ZFHX3: variants seen among roughly 807,000 people sequenced by gnomAD.
The protein encoded by ZFHX3 is zinc finger homeobox protein 3.
Under a neutral mutation model 279.1 loss-of-function variants are expected in ZFHX3, and 42 were observed. The observed-to-expected ratio is 0.15, with a 90% CI of 0.12 to 0.19. ZFHX3 has a LOEUF of 0.19. ZFHX3 is among the 10% of genes least tolerant of loss of function. The pLI, the probability that ZFHX3 is intolerant of heterozygous loss-of-function variation, is 1.00. For synonymous variants in ZFHX3, 2,293 were observed against 1,957.8 expected, an observed-to-expected ratio of 1.17 and a Z score of -4.52; for missense variants, 4,981 against 4,754.0, an observed-to-expected ratio of 1.05 and a Z score of -1.40.
chr16:72,851,379 A>G (rs944828060), intron 4 of ZFHX3, among the ~76,000 whole-genome samples: 8 of 152,338 alleles, frequency 5.3e-5, no homozygotes, highest in African/African-American at 9.6e-5. Flanking sequence ...GGGGCTCTTC[A>G]TCAGCCACTC....
chr16:73,234,620 A>G (rs1200296230), intron 5 of ZFHX3, among the ~76,000 whole-genome samples: 1 of 152,240 alleles, frequency 6.6e-6, no homozygotes, highest in African/African-American at 2.4e-5. Flanking sequence ...AGGAGATCCA[A>G]AGAATGATTT....
At chr16:73,006,865 T>C in intron 1 of ZFHX3, among the ~76,000 whole-genome samples, 1 of 152,200 alleles carries the variant, frequency 6.6e-6, no homozygotes, top group Non-Finnish European at 1.5e-5. Context: ...TTTGATTACT[T>C]ATAACACCTA....
chr16:73,478,400 C>T lies in ZFHX3; in HGVS notation c.-1546-22142G>A, dbSNP rs146018764. Among the ~76,000 whole-genome samples, 4 of 152,138 alleles carry T rather than the reference C, an allele frequency of 2.6e-5. No individual in the cohort carries two copies. The East Asian group carries it at 7.7e-4, about 29-fold the overall frequency. The stretch of plus-strand genomic sequence containing the variant: ...CTGAGCTATCCAGGCTTCTTCCCTG[C>T]TAGTTTATTTTAATGCAGTAATAAA... On this transcript the variant is annotated intron_variant, in intron 2 of 17. Coordinates refer to the ZFHX3 transcript ENST00000641206.
intron 1 of ZFHX3, among the ~76,000 whole-genome samples, chr16:73,689,271 A>C (rs4888619): frequency 6.6e-6 from 1 of 152,042 alleles, no homozygotes; most frequent in Non-Finnish European, 1.5e-5. Flanking sequence ...ATTTCACATT[A>C]TGCTCTGGGG....
chr16:73,869,113 T>C (rs1016194950), intron 1 of ZFHX3, among the ~76,000 whole-genome samples: 2 of 152,214 alleles, frequency 1.3e-5, no homozygotes, highest in African/African-American at 4.8e-5. Context: ...TAGCTAGTCA[T>C]GTTCACAACA....
chr16:73,358,315 G>C (rs2016379014), intron 3 of ZFHX3, among the ~76,000 whole-genome samples: 1 of 152,226 alleles, frequency 6.6e-6, no homozygotes, highest in African/African-American at 2.4e-5. Flanking sequence ...GCAGGATTAG[G>C]TCACAAAGGA....
chr16:73,552,252 C>T (rs935948950), intron 2 of ZFHX3, among the ~76,000 whole-genome samples: 4 of 152,136 alleles, frequency 2.6e-5, no homozygotes, highest in East Asian at 1.9e-4. Context: ...ACCCTGCTTT[C>T]GGTAATTTTT....
intron 7 of ZFHX3, among the ~76,000 whole-genome samples, chr16:73,100,747 A>T (rs1255931807): frequency 6.6e-6 from 1 of 151,782 alleles, no homozygotes; most frequent in East Asian, 1.9e-4. Flanking sequence ...ACAGGCACCC[A>T]CCATCACGCC....
intron 1 of ZFHX3, among the ~76,000 whole-genome samples, chr16:72,994,805 G>T (rs1749584240): frequency 3.3e-5 from 5 of 152,154 alleles, no homozygotes; most frequent in African/African-American, 2.4e-5. Context: ...AAGGGGCGGG[G>T]GTGTTTCCTA....
At chr16:73,536,102 A>T (rs1456653712) in intron 2 of ZFHX3, among the ~76,000 whole-genome samples, 1 of 152,156 alleles carries the variant, frequency 6.6e-6, no homozygotes, top group Non-Finnish European at 1.5e-5. Flanking sequence ...AAGTGTTCTC[A>T]GCATATATTA....
intron 4 of ZFHX3, among the ~76,000 whole-genome samples, chr16:72,850,286 T>A (rs1192776661): frequency 6.6e-6 from 1 of 152,090 alleles, no homozygotes. Context: ...AGACCACAGG[T>A]CCCACATGGA....
chr16:73,658,487 G>C (rs576051297), intron 2 of ZFHX3, among the ~76,000 whole-genome samples: 1 of 152,126 alleles, frequency 6.6e-6, no homozygotes, highest in Non-Finnish European at 1.5e-5. Context: ...ATTTCTGATA[G>C]AGACAGGTTT....
chr16:73,316,426 T>C (rs562287099), intron 4 of ZFHX3, among the ~76,000 whole-genome samples: 1 of 152,162 alleles, frequency 6.6e-6, no homozygotes, highest in South Asian at 2.1e-4. Context: ...CCACAGGTCA[T>C]CACCTATGCT....
intron 3 of ZFHX3, among the ~76,000 whole-genome samples, chr16:72,932,846 G>A (rs1171579847): frequency 6.6e-6 from 1 of 152,118 alleles, no homozygotes; most frequent in African/African-American, 2.4e-5. Context: ...CTGCGTCTAG[G>A]TGCATTTCAT....
chr16:73,760,009 G>GTT lies in ZFHX3; in HGVS notation c.-1607-79771_-1607-79770dup, dbSNP rs5817877. Among the ~76,000 whole-genome samples the GTT allele has an allele frequency of 5.8e-3, 841 of 145,052 alleles. 7 individuals carry two copies. The highest frequency in any genetic ancestry group is 0.012 in the African/African-American group (459 of 38,212). On this transcript the variant is annotated intron_variant, in intron 1 of 17. Transcript: ENST00000641206. Reference sequence around the variant, plus strand: ...CAAAACATCAATGAATCCAGGAGCTGTTTTTTTTTAAAAAAAAATTAATAA... The same window carrying GTT: ...CAAAACATCAATGAATCCAGGAGCTGTTTTTTTTTTTAAAAAAAAATTAATAA...
chr16:73,813,399 G>C (rs1960477911), intron 1 of ZFHX3, among the ~76,000 whole-genome samples: 1 of 151,818 alleles, frequency 6.6e-6, no homozygotes, highest in African/African-American at 2.4e-5. Context: ...TCAACTCTGG[G>C]CATGTTTTGT....
intron 4 of ZFHX3, among the ~76,000 whole-genome samples, chr16:73,275,711 C>T (rs1408235116): frequency 6.6e-6 from 1 of 152,146 alleles, no homozygotes; most frequent in Non-Finnish European, 1.5e-5. Flanking sequence ...ATTTAAAATA[C>T]TTTATTGCTA....
intron 1 of ZFHX3, among the ~76,000 whole-genome samples, chr16:73,713,647 CT>C (rs2053386986): frequency 6.7e-6 from 1 of 150,348 alleles, no homozygotes; most frequent in African/African-American, 2.5e-5. Flanking sequence ...TTTTTTTATA[CT>C]CTAGTAAATT....
intron 1 of ZFHX3, among the ~76,000 whole-genome samples, chr16:73,781,134 C>T (rs1380393785): frequency 6.6e-6 from 1 of 152,134 alleles, no homozygotes; most frequent in East Asian, 1.9e-4. Context: ...GAGTGTTAAA[C>T]CTAGTTACTT....
Sources: allele counts gnomAD v4.1 joint callset (sites outside exome capture counted in the v4.1 genomes callset), GRCh38; gene constraint gnomAD v4.1.1; transcripts MANE v1.5; gene names NCBI Gene and HGNC (gene_info 2026-07-23, HGNC 2026-07-21).